ANKFN1: variants seen among roughly 807,000 people sequenced by gnomAD.
The protein encoded by ANKFN1 is ankyrin repeat and fibronectin type-III domain-containing protein 1.
Under a neutral mutation model 108.7 loss-of-function variants are expected in ANKFN1, and 74 were observed. That is an observed-to-expected ratio of 0.68 (90% CI 0.56 to 0.83). The LOEUF (loss-of-function observed/expected upper bound fraction) is 0.83. ANKFN1 is among the 40% of genes least tolerant of loss of function. The pLI, the probability that ANKFN1 is intolerant of heterozygous loss-of-function variation, is 0.00. For missense variants in ANKFN1, 1,505 were observed against 1,382.3 expected, an observed-to-expected ratio of 1.09 and a Z score of -1.41; for synonymous variants, 547 against 516.2, an observed-to-expected ratio of 1.06 and a Z score of -0.81.
At position 56,306,297 on chromosome 17, in the gene ANKFN1, T is replaced by C. The variant is rs1322267659; in HGVS notation, c.54-19924T>C. Among the ~76,000 whole-genome samples the C allele has an allele frequency of 3.3e-5, 5 of 152,226 alleles. No individual in the cohort carries two copies. In the East Asian group the frequency reaches 9.6e-4, roughly 29 times the overall value. On this transcript the variant is annotated intron_variant, in intron 3 of 20. Coordinates refer to ENST00000682825, the MANE Select transcript of ANKFN1 (RefSeq NM_001370326.1). ...TCTTCTAATCCATGAACACAGTATG[T>C]CGTTCTATTTATTAAGATCTTGATT...
intron 3 of ANKFN1, among the ~76,000 whole-genome samples, chr17:56,303,261 CT>C (rs1407574832): frequency 2.6e-5 from 4 of 152,110 alleles, no homozygotes; most frequent in Non-Finnish European, 5.9e-5. Context: ...TGAAAGTGTC[CT>C]TTTATTTATT....
Position 56,213,525 on chromosome 17 carries a change from G to A in ANKFN1, c.12+846G>A, listed in dbSNP as rs560197788. Among the ~76,000 whole-genome samples, 6 of 152,202 alleles carry A rather than the reference G, an allele frequency of 3.9e-5. No individual in the cohort carries two copies. The South Asian group carries it at 1.2e-3, about 32-fold the overall frequency. ...GGAGTGTGGAAGCCTCCACCTCAAG[G>A]AAAACAGAGGGAGGCAGGAGGAAGG... is the stretch of plus-strand genomic sequence containing the variant. On this transcript the variant is annotated intron_variant, in intron 2 of 20. Transcript: ENST00000682825.
intron 3 of ANKFN1, among the ~76,000 whole-genome samples, chr17:56,229,935 T>C (rs920439352): frequency 7.9e-5 from 12 of 152,036 alleles, no homozygotes; most frequent in African/African-American, 2.7e-4. Context: ...CACGGAAACA[T>C]ATTAAAATCA....
At chr17:56,427,384 G>A (rs546582700) in intron 8 of ANKFN1, among the ~76,000 whole-genome samples, 1 of 152,196 alleles carries the variant, frequency 6.6e-6, no homozygotes, top group South Asian at 2.1e-4. Context: ...GGCCAGCAAT[G>A]TACACGAGTC....
At chr17:56,478,190 C>T (rs2050575551) in intron 16 of ANKFN1, among the ~76,000 whole-genome samples, 1 of 152,156 alleles carries the variant, frequency 6.6e-6, no homozygotes, top group South Asian at 2.1e-4. Flanking sequence ...GGCATGAGCC[C>T]ATTAAAGAGG....
In ANKFN1 at chr17:56,159,761, C is replaced by T. The variant is rs1277960500; in HGVS notation, c.-71+6231C>T. On this transcript the variant is annotated intron_variant, in intron 1 of 20. Transcript: ENST00000682825. The stretch of plus-strand genomic sequence containing the variant: ...ATTAAATGCTTTTGCATTTGAGGTT[C>T]GGGTTGTATTTTTGTTTGTTGGACA... Among the ~76,000 whole-genome samples, 5 of 152,106 alleles carry T rather than the reference C, an allele frequency of 3.3e-5. No individual in the cohort carries two copies. In the East Asian group the frequency reaches 5.8e-4, roughly 18 times the overall value.
intron 16 of ANKFN1, among the ~76,000 whole-genome samples, chr17:56,478,959 G>T (rs1327945505): frequency 6.6e-6 from 1 of 152,170 alleles, no homozygotes; most frequent in Non-Finnish European, 1.5e-5. Flanking sequence ...TGATGATGAG[G>T]AGGAGGAGGG....
In ANKFN1 at chr17:56,298,307, A is replaced by AT. The variant is rs148924819; in HGVS notation, c.54-27908dup. Among the ~76,000 whole-genome samples the AT allele has an allele frequency of 5.6e-3, 850 of 152,188 alleles. 7 individuals carry two copies. The highest frequency in any genetic ancestry group is 0.02 in the African/African-American group (813 of 41,508). ...CTTTTTCCTGTTTATCTTTTGTGAG[A>AT]TTTTTTCTGTATATTCTACTTTTTA... On this transcript the variant is annotated intron_variant, in intron 3 of 20. Transcript: ENST00000682825.
chr17:56,411,361 G>T (rs558032806), intron 8 of ANKFN1, among the ~76,000 whole-genome samples: 1 of 152,208 alleles, frequency 6.6e-6, no homozygotes, highest in Admixed American at 6.5e-5. Context: ...TCTACTGAAT[G>T]TATCAGTTCT....
chr17:56,210,061 C>G (rs200212172), intron 1 of ANKFN1, among the ~76,000 whole-genome samples: 55 of 148,110 alleles, frequency 3.7e-4, no homozygotes, highest in African/African-American at 1.2e-3. Context: ...TAGATAGATA[C>G]ATAGATAGAT....
intron 3 of ANKFN1, among the ~76,000 whole-genome samples, chr17:56,303,546 A>G (rs1325480166): frequency 6.6e-6 from 1 of 152,228 alleles, no homozygotes; most frequent in Non-Finnish European, 1.5e-5. Context: ...ATGTTAAAGG[A>G]GGTTAAACCA....
intron 4 of ANKFN1, among the ~76,000 whole-genome samples, chr17:56,104,487 A>G (rs1226105174): frequency 6.6e-6 from 1 of 152,204 alleles, no homozygotes; most frequent in Non-Finnish European, 1.5e-5. Context: ...TCTGACACCC[A>G]GTTCAGCACA....
At chr17:56,393,073 G>A (rs1354524187) in intron 8 of ANKFN1, among the ~76,000 whole-genome samples, 1 of 151,836 alleles carries the variant, frequency 6.6e-6, no homozygotes, top group African/African-American at 2.4e-5. Flanking sequence ...TCCTTTCATT[G>A]GCCTTCATAT....
At chr17:56,075,222 C>A (rs1342449349) in intron 4 of ANKFN1, among the ~76,000 whole-genome samples, 1 of 152,184 alleles carries the variant, frequency 6.6e-6, no homozygotes, top group Non-Finnish European at 1.5e-5. Context: ...CACTGACAAG[C>A]CACATAACCA....
At chr17:56,153,293 C>T (rs1300915795), upstream of ANKFN1, among the ~76,000 whole-genome samples, 1 of 152,204 alleles carries the variant, frequency 6.6e-6, no homozygotes, top group African/African-American at 2.4e-5. Flanking sequence ...ATTTCTTTGT[C>T]ACCAAGCCTG....
At chr17:56,152,365 A>T (rs1908708652), upstream of ANKFN1, among the ~76,000 whole-genome samples, 1 of 151,754 alleles carries the variant, frequency 6.6e-6, no homozygotes, top group Non-Finnish European at 1.5e-5. Flanking sequence ...TGTTAAGCCC[A>T]GATCACCTGC....
chr17:56,170,774 T>TTATATATATATATATATATATA (rs60304505), intron 1 of ANKFN1, among the ~76,000 whole-genome samples: 1 of 68,096 alleles, frequency 1.5e-5, no homozygotes, highest in Non-Finnish European at 2.5e-5. Context: ...AAAAAATTTT[T>TTATATATATATATATATATATA]TATATATATA....
At chr17:56,205,070 C>T (rs1364042423) in intron 1 of ANKFN1, among the ~76,000 whole-genome samples, 3 of 150,490 alleles carry the variant, frequency 2.0e-5, no homozygotes, top group African/African-American at 7.4e-5. Flanking sequence ...GAGCGGGACT[C>T]CGTCTCAAAA....
At chr17:56,092,971 C>T (rs1014994775) in intron 4 of ANKFN1, among the ~76,000 whole-genome samples, 1 of 151,136 alleles carries the variant, frequency 6.6e-6, no homozygotes, top group Non-Finnish European at 1.5e-5. Flanking sequence ...CTTTACTCTT[C>T]AAGGGTTCCT....
Sources: allele counts gnomAD v4.1 joint callset (sites outside exome capture counted in the v4.1 genomes callset), GRCh38; gene constraint gnomAD v4.1.1; transcripts MANE v1.5; gene names NCBI Gene and HGNC (gene_info 2026-07-23, HGNC 2026-07-21).